Variants in MAML2 observed in about 807,000 individuals in gnomAD.
MAML2 encodes the protein mastermind like transcriptional coactivator 2, also known as mastermind-like protein 2.
In MAML2, 22 loss-of-function variants were observed where a neutral mutation model predicts 96.1. That is an observed-to-expected ratio of 0.23 (90% confidence interval 0.16 to 0.33). The LOEUF (loss-of-function observed/expected upper bound fraction) is 0.33, where lower values mean the gene tolerates loss of function less well. Ranked by LOEUF, MAML2 falls within the 10% of genes least tolerant of loss-of-function variation. The pLI is 1.00. For missense variants in MAML2, 1,367 were observed against 1,392.4 expected, an observed-to-expected ratio of 0.98 and a Z score of 0.29; for synonymous variants, 561 against 521.3, an observed-to-expected ratio of 1.08 and a Z score of -1.04.
chr11:96,322,836 G>T (rs1212041704), intron 1 of MAML2, among the ~76,000 whole-genome samples: 3 of 152,204 alleles, frequency 2.0e-5, no homozygotes, highest in Non-Finnish European at 4.4e-5. Flanking sequence ...GACACACAAA[G>T]AAAGGAAATG....
In MAML2 at chr11:96,069,673, T is replaced by C. The variant is rs141158584; in HGVS notation, c.2139+22219A>G. Among the ~76,000 whole-genome samples, 1,188 of 151,954 alleles carry C rather than the reference T, an allele frequency of 7.8e-3. 19 individuals carry two copies. The highest frequency in any genetic ancestry group is 0.027 in the African/African-American group (1,136 of 41,438). ...GCTTGGGTGAGAGAATGAGTCCCTA[T>C]CTCAAAAATAAATGAATAAATAATA... On this transcript the variant is annotated intron_variant, in intron 2 of 4. Transcript: ENST00000524717.
chr11:96,338,456 C>A (rs927739191), intron 1 of MAML2, among the ~76,000 whole-genome samples: 12 of 152,192 alleles, frequency 7.9e-5, no homozygotes, highest in Non-Finnish European at 1.5e-5. Flanking sequence ...GTTATTCTTG[C>A]ATTGTTCTTG....
intron 2 of MAML2, among the ~76,000 whole-genome samples, chr11:96,037,528 T>C (rs1858737393): frequency 6.6e-6 from 1 of 152,192 alleles, no homozygotes; most frequent in African/African-American, 2.4e-5. Context: ...GGAAAACTAA[T>C]AAATACTTAA....
At chr11:96,319,296 C>T (rs890545716) in intron 1 of MAML2, among the ~76,000 whole-genome samples, 1 of 152,156 alleles carries the variant, frequency 6.6e-6, no homozygotes, top group Non-Finnish European at 1.5e-5. Context: ...AGTTGGAATG[C>T]CATCTCATGA....
rs1857658781 is a variant in MAML2, at chr11:95,976,838, T to C, written c.*2110A>G. On this transcript the variant is annotated 3_prime_UTR_variant, in exon 5 of 5. Transcript: ENST00000524717. ...AGGAGCCATACAACAAAAGCGTTTA[T>C]ATGTACATCATTTTTTTTCTTTTTG... is the stretch of plus-strand genomic sequence containing the variant. 5.4e-6 allele frequency: 1 copy of C among 186,750 alleles called. No individual in the cohort carries two copies. The highest frequency in any genetic ancestry group is 1.1e-5 in the Non-Finnish European group (1 of 88,308). The allele number at this position is 186,750 out of a possible 1,614,324, so 11.6% of individuals were successfully genotyped here.
chr11:96,215,851 A>C lies in MAML2; in HGVS notation c.514-122334T>G, dbSNP rs539068961. 7.2e-5 allele frequency among the ~76,000 whole-genome samples: 11 copies of C among 152,262 alleles called. No homozygotes were observed. The East Asian group carries it at 2.1e-3, about 29-fold the overall frequency. On this transcript the variant is annotated intron_variant, in intron 1 of 4. Transcript: ENST00000524717. The stretch of plus-strand genomic sequence containing the variant: ...TCAGTCAAATGATAGATCCAAGTCC[A>C]GAAATTACAGAACAACAGATTGGAA...
At chr11:96,299,060 A>ATATATCTATATATATATATAT (rs1555037072) in intron 1 of MAML2, among the ~76,000 whole-genome samples, 1 of 56,342 alleles carries the variant, frequency 1.8e-5, no homozygotes, top group African/African-American at 9.0e-5. Flanking sequence ...AAAAAAAAAA[A>ATATATCTATATATATATATAT]ATATATATAT....
At chr11:96,286,090 G>A (rs561877) in intron 1 of MAML2, among the ~76,000 whole-genome samples, 42,728 of 152,066 alleles carry the variant, frequency 0.28, 6,119 homozygotes, top group East Asian at 0.33. Flanking sequence ...CCCATCAATG[G>A]TAGACTGGAT....
chr11:96,251,880 G>A (rs532415810), intron 1 of MAML2, among the ~76,000 whole-genome samples: 1 of 151,400 alleles, frequency 6.6e-6, no homozygotes, highest in African/African-American at 2.4e-5. Context: ...TACAGGCGCC[G>A]GCCACCACGC....
Position 95,979,936 on chromosome 11 carries a change from G to C in MAML2, c.2483C>G (p.Ser828Cys). The change falls in exon 5 of 5, where the codon TCT (serine) becomes TGT (cysteine). Residue 828 changes from serine to cysteine, a missense_variant. Coordinates refer to ENST00000524717, the MANE Select transcript of MAML2 (RefSeq NM_032427.4). ...SGGSSTISLN[S>C]NQALANPVST... The stretch of plus-strand genomic sequence containing the variant: ...AACTGGGTTTGCCAAAGCCTGGTTA[G>C]AGTTTAAGCTTATTGTGGATGAGCC... 6.2e-7 allele frequency: 1 copy of C among 1,613,412 alleles called. No individual in the cohort carries two copies. Among genetic ancestry groups the C allele is most frequent in the Non-Finnish European group, 8.5e-7 (1 of 1,179,668 alleles).
chr11:96,047,910 C>CAAAAAAAAA (rs71459784), intron 2 of MAML2, among the ~76,000 whole-genome samples: 17 of 82,448 alleles, frequency 2.1e-4, no homozygotes, highest in African/African-American at 2.7e-4. Context: ...GACTCTGCCT[C>CAAAAAAAAA]AAAAAAAAAA....
chr11:96,144,650 A>G (rs1180961185), intron 1 of MAML2, among the ~76,000 whole-genome samples: 1 of 152,320 alleles, frequency 6.6e-6, no homozygotes, highest in African/African-American at 2.4e-5. Flanking sequence ...AATTATAGGA[A>G]GTGGTTTAAA....
At chr11:95,996,916 CT>C (rs1858000039) in intron 2 of MAML2, among the ~76,000 whole-genome samples, 1 of 152,138 alleles carries the variant, frequency 6.6e-6, no homozygotes, top group Non-Finnish European at 1.5e-5. Flanking sequence ...CATATGAAGG[CT>C]GTGGTAAAAA....
intron 1 of MAML2, among the ~76,000 whole-genome samples, chr11:96,265,189 T>C (rs564621606): frequency 6.6e-6 from 1 of 152,190 alleles, no homozygotes; most frequent in African/African-American, 2.4e-5. Flanking sequence ...GCAGGCACGA[T>C]GCAAAGCATT....
At chr11:96,206,936 T>C (rs1036001244) in intron 1 of MAML2, among the ~76,000 whole-genome samples, 1 of 152,204 alleles carries the variant, frequency 6.6e-6, no homozygotes, top group Non-Finnish European at 1.5e-5. Flanking sequence ...AAAAGTTATA[T>C]AGACCACGAT....
chr11:96,253,601 A>G (rs1404005986), intron 1 of MAML2, among the ~76,000 whole-genome samples: 1 of 152,244 alleles, frequency 6.6e-6, no homozygotes, highest in Non-Finnish European at 1.5e-5. Flanking sequence ...ACAGAGATCG[A>G]CCACTAAAAT....
chr11:96,298,373 T>G (rs550271455), intron 1 of MAML2, among the ~76,000 whole-genome samples: 16 of 152,318 alleles, frequency 1.1e-4, no homozygotes, highest in Admixed American at 3.9e-4. Context: ...TAACCAGTGA[T>G]GTGAATTCCT....
intron 1 of MAML2, among the ~76,000 whole-genome samples, chr11:96,327,547 C>T (rs1452126846): frequency 2.0e-5 from 3 of 151,984 alleles, no homozygotes. Context: ...CCTGCCTCAA[C>T]AGATTACAGG....
intron 1 of MAML2, among the ~76,000 whole-genome samples, chr11:96,257,498 A>G (rs1033516700): frequency 6.6e-6 from 1 of 152,250 alleles, no homozygotes; most frequent in Non-Finnish European, 1.5e-5. Flanking sequence ...GTCAAATTGA[A>G]TCTTTGATAC....
Sources: allele counts gnomAD v4.1 joint callset (sites outside exome capture counted in the v4.1 genomes callset), GRCh38; gene constraint gnomAD v4.1.1; transcripts MANE v1.5; gene names NCBI Gene and HGNC (gene_info 2026-07-23, HGNC 2026-07-21).